The following GPC6 variants were observed in gnomAD, a reference collection of about 807,000 sequenced individuals.
GPC6 encodes glypican-6.
In GPC6, 14 loss-of-function variants were observed where a neutral mutation model predicts 55.2. The observed-to-expected ratio is 0.25, with a 90% confidence interval of 0.17 to 0.40. The LOEUF (loss-of-function observed/expected upper bound fraction) is 0.40. Among genes scored for constraint, GPC6 ranks in the 10% least tolerant of loss-of-function variants. The pLI is 1.00. For missense variants in GPC6, 641 were observed against 708.5 expected (o/e 0.90, Z 1.08); for synonymous variants, 278 against 259.6 (o/e 1.07, Z -0.68).
intron 3 of GPC6, among the ~76,000 whole-genome samples, chr13:93,936,535 G>A (rs1033588470): frequency 6.6e-6 from 1 of 151,984 alleles, no homozygotes; most frequent in African/African-American, 2.4e-5. Context: ...GATAAATAAG[G>A]TTGCTTATTA....
intron 4 of GPC6, among the ~76,000 whole-genome samples, chr13:94,096,544 T>G (rs1472385927): frequency 6.6e-6 from 1 of 152,130 alleles, no homozygotes; most frequent in East Asian, 1.9e-4. Context: ...ACAGCATTGT[T>G]GCCTACATTT....
At chr13:93,667,563 G>A (rs1881191148) in intron 2 of GPC6, among the ~76,000 whole-genome samples, 1 of 151,828 alleles carries the variant, frequency 6.6e-6, no homozygotes, top group Non-Finnish European at 1.5e-5. Context: ...CTCTCGAGTA[G>A]CTGGGATTAC....
At chr13:94,081,655 C>G (rs914340968) in intron 4 of GPC6, among the ~76,000 whole-genome samples, 6 of 152,084 alleles carry the variant, frequency 3.9e-5, no homozygotes, top group African/African-American at 1.4e-4. Flanking sequence ...AAGGAAGAAG[C>G]TGGAAGTCCT....
intron 1 of GPC6, among the ~76,000 whole-genome samples, chr13:93,518,284 A>T (rs1881280231): frequency 6.6e-6 from 1 of 151,288 alleles, no homozygotes; most frequent in Admixed American, 6.6e-5. Flanking sequence ...TTCCTTAATT[A>T]TTTTCTTTAT....
chr13:93,640,477 A>G (rs1329119483), intron 2 of GPC6, among the ~76,000 whole-genome samples: 2 of 152,052 alleles, frequency 1.3e-5, no homozygotes, highest in African/African-American at 2.4e-5. Context: ...GGAGATTCAA[A>G]TTTTAGTCTG....
At chr13:93,593,917 T>C (rs1239013070) in intron 2 of GPC6, among the ~76,000 whole-genome samples, 1 of 152,092 alleles carries the variant, frequency 6.6e-6, no homozygotes, top group Non-Finnish European at 1.5e-5. Context: ...TGCTGAAATG[T>C]TATGTGAAAA....
rs1418498057 is a variant in GPC6, at chr13:94,129,332, GAAT to G, written c.877+101439_877+101441del. Among the ~76,000 whole-genome samples the G allele has an allele frequency of 2.6e-5, 4 of 152,156 alleles. No homozygotes were observed. The East Asian group carries it at 7.8e-4, about 30-fold the overall frequency. ...CTCTACTCGCCTCTCTATAAGCAGGGAATTACATTTCCCAGGGTCCCTTGTTCT... is the reference window on the plus strand; with the variant it reads ...CTCTACTCGCCTCTCTATAAGCAGGGTACATTTCCCAGGGTCCCTTGTTCT... On this transcript the variant is annotated intron_variant, in intron 4 of 8. Coordinates refer to ENST00000377047, the MANE Select transcript of GPC6 (RefSeq NM_005708.5).
intron 2 of GPC6, among the ~76,000 whole-genome samples, chr13:93,816,338 T>C (rs528554520): frequency 3.4e-4 from 52 of 152,188 alleles, no homozygotes; most frequent in Admixed American, 5.9e-4. Context: ...GGGACTATTA[T>C]TTTATAGACA....
intron 1 of GPC6, among the ~76,000 whole-genome samples, chr13:93,513,421 T>A (rs1046441227): frequency 7.9e-5 from 12 of 152,226 alleles, no homozygotes; most frequent in Non-Finnish European, 1.6e-4. Flanking sequence ...AAATTGGTGA[T>A]CTTTGCCCTG....
chr13:94,186,674 G>A lies in GPC6; in HGVS notation c.878-99675G>A, dbSNP rs942567023. Among the ~76,000 whole-genome samples the A allele has an allele frequency of 4.6e-5, 7 of 152,142 alleles. No homozygotes were observed. In the South Asian group the frequency reaches 8.3e-4, roughly 18 times the overall value. On this transcript the variant is annotated intron_variant, in intron 4 of 8. Coordinates refer to ENST00000377047, the MANE Select transcript of GPC6 (RefSeq NM_005708.5). ...CAGGCACTTTAAAGAAAAAAATGAC[G>A]AGTTGGCTATATTTATGCATGCAGA...
intron 2 of GPC6, among the ~76,000 whole-genome samples, chr13:93,707,481 G>A (rs1218043744): frequency 3.3e-5 from 5 of 151,752 alleles, no homozygotes; most frequent in Non-Finnish European, 7.4e-5. Flanking sequence ...GTAGGCACAT[G>A]AATACTTCTA....
chr13:93,978,299 A>G (rs1229689134), intron 3 of GPC6, among the ~76,000 whole-genome samples: 2 of 152,166 alleles, frequency 1.3e-5, no homozygotes, highest in Non-Finnish European at 2.9e-5. Flanking sequence ...TTATCTCCAG[A>G]TGAGATAGAT....
At chr13:93,951,626 T>C (rs1479561750) in intron 3 of GPC6, among the ~76,000 whole-genome samples, 1 of 152,136 alleles carries the variant, frequency 6.6e-6, no homozygotes, top group African/African-American at 2.4e-5. Context: ...AGTTTCACCT[T>C]GGATAAATTA....
intron 4 of GPC6, among the ~76,000 whole-genome samples, chr13:94,162,893 A>G (rs1888217971): frequency 6.6e-6 from 1 of 152,190 alleles, no homozygotes; most frequent in South Asian, 2.1e-4. Flanking sequence ...TAATGACACC[A>G]TGGACATGGA....
Position 93,830,548 on chromosome 13 carries a change from A to G in GPC6, c.711+3A>G, listed in dbSNP as rs776515314. 5.6e-6 allele frequency: 9 copies of G among 1,606,796 alleles called. No individual in the cohort carries two copies. Among genetic ancestry groups the G allele is most frequent in the Middle Eastern group, 3.3e-4 (2 of 6,026 alleles). ...AAGTTGCAAACCGAGTTTCCAAGGT[A>G]ATTGAAAACGTGCTTTCTTTCTCAT... On this transcript the variant is annotated splice_donor_region_variant and intron_variant, in intron 3 of 8. Transcript: ENST00000377047.
At chr13:94,253,864 ATTC>A (rs2139041118) in intron 4 of GPC6, among the ~76,000 whole-genome samples, 1 of 152,238 alleles carries the variant, frequency 6.6e-6, no homozygotes, top group South Asian at 2.1e-4. Context: ...CACTTTATCA[ATTC>A]TTCTTTCAAT....
chr13:93,830,048 T>G (rs1311584332), intron 2 of GPC6, 106 bp from the exon 3 acceptor site: 2 of 741,564 alleles, frequency 2.7e-6, no homozygotes, highest in Admixed American at 2.6e-5. Flanking sequence ...ACAGGATATG[T>G]TTTTCCATGA....
intron 3 of GPC6, among the ~76,000 whole-genome samples, chr13:94,007,247 G>A (rs1882059779): frequency 6.6e-6 from 1 of 152,112 alleles, no homozygotes. Context: ...TTAATTCATT[G>A]AAACACTCAT....
At chr13:94,332,792 T>C (rs1408987813) in intron 6 of GPC6, among the ~76,000 whole-genome samples, 1 of 152,266 alleles carries the variant, frequency 6.6e-6, no homozygotes, top group Non-Finnish European at 1.5e-5. Context: ...TGACCAGTAA[T>C]GAGTTTTGCT....
Sources: gnomAD v4.1 joint callset for allele counts (sites outside exome capture counted in the v4.1 genomes callset) on GRCh38, gnomAD v4.1.1 for gene constraint, MANE v1.5 for transcripts, NCBI Gene and HGNC (gene_info 2026-07-23, HGNC 2026-07-21) for gene names.